Variants in SYPL1 observed in about 807,000 individuals in gnomAD.
SYPL1 encodes the protein synaptophysin like 1.
SYPL1 carries 6 observed loss-of-function variants against 23.7 expected under a neutral mutation model. That is an observed-to-expected ratio of 0.25 (90% CI 0.14 to 0.50). The LOEUF is 0.50. SYPL1 is among the 20% of genes least tolerant of loss of function. SYPL1 has a pLI of 0.98. For missense variants in SYPL1, 253 were observed against 288.9 expected, an observed-to-expected ratio of 0.88 and a Z score of 0.90; for synonymous variants, 102 against 104.5, an observed-to-expected ratio of 0.98 and a Z score of 0.15.
intron 4 of SYPL1, among the ~76,000 whole-genome samples, chr7:106,092,247 C>T (rs776709129): frequency 6.6e-6 from 1 of 152,128 alleles, no homozygotes; most frequent in Non-Finnish European, 1.5e-5. Context: ...TTATCAACTG[C>T]TTGTGTAACT....
At chr7:106,099,416 G>T in intron 1 of SYPL1, 134 bp from the exon 2 acceptor site, 1 of 1,139,234 alleles carries the variant, frequency 8.8e-7, no homozygotes, top group Non-Finnish European at 1.2e-6. Flanking sequence ...CTTTTTTTGA[G>T]ACAGGGTTTC....
chr7:106,104,264 C>A lies in SYPL1; in HGVS notation c.70-4982G>T, dbSNP rs1840473470. On this transcript the variant is annotated intron_variant, in intron 1 of 4. Coordinates refer to ENST00000455385, the MANE Select transcript of SYPL1 (RefSeq NM_182715.4). This position sits in a 1 kb window ranked among gnomAD's most constrained non-coding sequence, Gnocchi z 4.1. ...TTGCTTTCTAAAAAATAAAATGGGG[C>A]CGGGTGCAGTGGCTTATGCCTGTAA... Among the ~76,000 whole-genome samples, 1 of 152,114 alleles carries A rather than the reference C, an allele frequency of 6.6e-6. No individual in the cohort carries two copies. The highest frequency in any genetic ancestry group is 2.1e-4 in the South Asian group (1 of 4,828).
chr7:106,093,221 A>G, intron 3 of SYPL1, 84 bp from the exon 4 acceptor site: 1 of 1,287,170 alleles, frequency 7.8e-7, no homozygotes. Flanking sequence ...AACTGAGATT[A>G]CATTCAACCT....
Position 106,097,116 on chromosome 7 carries a change from T to A in SYPL1, c.402+574A>T, listed in dbSNP as rs1315268864. ...CTGTAGTCCCAGCTACTCAGGAGGA[T>A]CATTTGAGCCCAGGAGGTTGAGGCT... On this transcript the variant is annotated intron_variant, in intron 3 of 4. Transcript: ENST00000455385. The surrounding 1 kb of genome is among the most constrained non-coding windows in gnomAD (Gnocchi z 4.6). Among the ~76,000 whole-genome samples the A allele has an allele frequency of 6.6e-6, 1 of 152,166 alleles. No individual in the cohort carries two copies. The highest frequency in any genetic ancestry group is 1.5e-5 in the Non-Finnish European group (1 of 68,028).
intron 3 of SYPL1, among the ~76,000 whole-genome samples, chr7:106,094,101 TAGG>T (rs1266576328): frequency 6.6e-6 from 1 of 152,230 alleles, no homozygotes; most frequent in Admixed American, 6.5e-5. Context: ...CACTCAAGGA[TAGG>T]AGCTCTTACA....
In SYPL1 at chr7:106,096,064, A is replaced by G. The variant is rs1262424062; in HGVS notation, c.402+1626T>C. On this transcript the variant is annotated intron_variant, in intron 3 of 4. Coordinates refer to ENST00000455385, the MANE Select transcript of SYPL1 (RefSeq NM_182715.4). This position sits in a 1 kb window ranked among gnomAD's most constrained non-coding sequence, Gnocchi z 4.4. ...TTATAAAGAATTTTAACAAAATATA[A>G]TTATCTATAAGATTATTCCAGTTCC... Among the ~76,000 whole-genome samples, 1 of 152,238 alleles carries G rather than the reference A, an allele frequency of 6.6e-6. No homozygotes were observed. The highest frequency in any genetic ancestry group is 1.5e-5 in the Non-Finnish European group (1 of 68,042).
chr7:106,112,465 T>G (rs772308930), upstream of SYPL1: 9 of 1,488,512 alleles, frequency 6.0e-6, no homozygotes, highest in South Asian at 1.1e-4. Flanking sequence ...GGGAGGCTTC[T>G]CCTCAGGCCG....
intron 1 of SYPL1, among the ~76,000 whole-genome samples, chr7:106,102,026 CA>C (rs968263970): frequency 3.9e-5 from 6 of 151,958 alleles, no homozygotes; most frequent in African/African-American, 1.5e-4. Context: ...CTTGCTTCTA[CA>C]GAATAGAATA....
chr7:106,104,792 T>C lies in SYPL1; in HGVS notation c.70-5510A>G, dbSNP rs929956641. Among the ~76,000 whole-genome samples the C allele has an allele frequency of 6.6e-6, 1 of 152,158 alleles. No homozygotes were observed. The highest frequency in any genetic ancestry group is 1.5e-5 in the Non-Finnish European group (1 of 68,032). On this transcript the variant is annotated intron_variant, in intron 1 of 4. Coordinates refer to ENST00000455385, the MANE Select transcript of SYPL1 (RefSeq NM_182715.4). The surrounding 1 kb of genome is among the most constrained non-coding windows in gnomAD (Gnocchi z 4.1). ...AAAGTACAAAATTATGAGGGCAAAA[T>C]ATCCAACTATCTCACTTCTCCCTAT...
upstream of SYPL1, chr7:106,112,320 G>C (rs568998091): frequency 3.9e-6 from 5 of 1,288,342 alleles, no homozygotes; most frequent in East Asian, 1.6e-4. Flanking sequence ...CGCGCTGGCC[G>C]GGCTCGGAGG....
At position 106,095,883 on chromosome 7, in the gene SYPL1, G is replaced by C. The variant is rs1308631293; in HGVS notation, c.402+1807C>G. ...CTAGGTCAGTTTTATAGTTTTATCA[G>C]ACAAAAACCACCTACAAAAATAGAT... On this transcript the variant is annotated intron_variant, in intron 3 of 4. Coordinates refer to ENST00000455385, the MANE Select transcript of SYPL1 (RefSeq NM_182715.4). The surrounding 1 kb of genome is among the most constrained non-coding windows in gnomAD (Gnocchi z 4.3). Among the ~76,000 whole-genome samples, 1 of 152,004 alleles carries C rather than the reference G, an allele frequency of 6.6e-6. No homozygotes were observed. Among genetic ancestry groups the C allele is most frequent in the African/African-American group, 2.4e-5 (1 of 41,376 alleles).
In SYPL1 at chr7:106,095,703, A is replaced by G. The variant is rs1254376071; in HGVS notation, c.402+1987T>C. Among the ~76,000 whole-genome samples, 2 of 152,216 alleles carry G rather than the reference A, an allele frequency of 1.3e-5. No homozygotes were observed. Among genetic ancestry groups the G allele is most frequent in the Non-Finnish European group, 2.9e-5 (2 of 68,048 alleles). ...TATGGTTACATTAAAAATAGAACTG[A>G]AAATTAAATTTAGAAGCTAGACTTT... On this transcript the variant is annotated intron_variant, in intron 3 of 4. Coordinates refer to ENST00000455385, the MANE Select transcript of SYPL1 (RefSeq NM_182715.4). This position sits in a 1 kb window ranked among gnomAD's most constrained non-coding sequence, Gnocchi z 4.3.
At chr7:106,111,468 G>A (rs750639520) in intron 1 of SYPL1, among the ~76,000 whole-genome samples, 3 of 152,168 alleles carry the variant, frequency 2.0e-5, no homozygotes, top group Non-Finnish European at 4.4e-5. Flanking sequence ...AGGACTAAAA[G>A]CTGACTTTCT....
In SYPL1 at chr7:106,097,308, G is replaced by A. The variant is rs1475321310; in HGVS notation, c.402+382C>T. Among the ~76,000 whole-genome samples the A allele has an allele frequency of 6.6e-6, 1 of 152,184 alleles. No homozygotes were observed. Among genetic ancestry groups the A allele is most frequent in the Non-Finnish European group, 1.5e-5 (1 of 68,030 alleles). On this transcript the variant is annotated intron_variant, in intron 3 of 4. Transcript: ENST00000455385. The surrounding 1 kb of genome is among the most constrained non-coding windows in gnomAD (Gnocchi z 4.6). ...ATAATTAAACTCAATAAGTTTTGTA[G>A]AAGTATAAAGTGGGCCTTTAGAGAA...
At chr7:106,098,628 T>C (rs1365391764) in intron 2 of SYPL1, among the ~76,000 whole-genome samples, 1 of 152,222 alleles carries the variant, frequency 6.6e-6, no homozygotes, top group Non-Finnish European at 1.5e-5. Context: ...TTTCAATGGA[T>C]ACTGATGTCA....
rs1839942911 is a variant in SYPL1 at position 106,094,904 on chromosome 7, G to A, written c.403-1767C>T. 1.3e-5 allele frequency among the ~76,000 whole-genome samples: 2 copies of A among 152,054 alleles called. 1 individual carries two copies. Among genetic ancestry groups the A allele is most frequent in the Admixed American group, 1.3e-4 (2 of 15,258 alleles). Reference sequence around the variant, plus strand: ...TAACCTAGGTTGAAGGAACGTGGGGGGAATTCTGGTCCCTTCAGATAGTAT... The same window carrying A: ...TAACCTAGGTTGAAGGAACGTGGGGAGAATTCTGGTCCCTTCAGATAGTAT... On this transcript the variant is annotated intron_variant, in intron 3 of 4. Transcript: ENST00000455385.
chr7:106,106,452 T>C (rs886949954), intron 1 of SYPL1, among the ~76,000 whole-genome samples: 1 of 151,662 alleles, frequency 6.6e-6, no homozygotes, highest in Non-Finnish European at 1.5e-5. Flanking sequence ...CTTGGGAGGC[T>C]GAGGCAGGAG....
At chr7:106,092,899 A>T in intron 4 of SYPL1, 50 bp downstream of exon 4, 1 of 1,406,380 alleles carries the variant, frequency 7.1e-7, no homozygotes, top group Non-Finnish European at 9.4e-7. Flanking sequence ...AATTACTAGT[A>T]CTTTAAACAA....
chr7:106,091,590 G>C lies in SYPL1; in HGVS notation c.*215C>G. ...TAAAAATGTGTATCATTTCATAATA[G>C]ACCCCTGAACTTTCAAATTTACATG... On this transcript the variant is annotated 3_prime_UTR_variant, in exon 5 of 5. Coordinates refer to ENST00000455385, the MANE Select transcript of SYPL1 (RefSeq NM_182715.4). This position sits in a 1 kb window ranked among gnomAD's most constrained non-coding sequence, Gnocchi z 5.0. 2.3e-6 allele frequency: 1 copy of C among 439,212 alleles called. No homozygotes were observed. The highest frequency in any genetic ancestry group is 3.9e-6 in the Non-Finnish European group (1 of 255,660). The allele number at this position is 439,212 out of a possible 1,614,324, so 27.2% of individuals were successfully genotyped here. A position where few individuals can be genotyped will look rare whatever the true frequency, so the allele number is the denominator to read the frequency against.
Sources: gnomAD v4.1 joint callset for allele counts (sites outside exome capture counted in the v4.1 genomes callset) on GRCh38, gnomAD v4.1.1 for gene constraint, Gnocchi (gnomAD v3.1) non-coding constraint, MANE v1.5 for transcripts, NCBI Gene and HGNC (gene_info 2026-07-23, HGNC 2026-07-21) for gene names.